The following FAM120C variants were observed in gnomAD, a reference collection of about 807,000 sequenced individuals.
The protein encoded by FAM120C is constitutive coactivator of PPAR-gamma-like protein 2.
A neutral mutation model predicts 71.2 loss-of-function variants in FAM120C; 14 were observed. That is an observed-to-expected ratio of 0.20 (90% CI 0.13 to 0.31). The LOEUF (loss-of-function observed/expected upper bound fraction) is 0.31, where lower values mean the gene tolerates loss of function less well. FAM120C is among the 10% of genes least tolerant of loss of function. The pLI is 1.00. For synonymous variants in FAM120C, 354 were observed against 353.2 expected, an observed-to-expected ratio of 1.00 and a Z score of -0.03; for missense variants, 500 against 879.0, an observed-to-expected ratio of 0.57 and a Z score of 5.45.
chrX:54,167,893 G>A (rs782429621), intron 1 of FAM120C, among the ~76,000 whole-genome samples: 3 of 107,945 alleles, frequency 2.8e-5, no homozygotes, highest in African/African-American at 1.0e-4. Flanking sequence ...GCTTGAACCC[G>A]GGAGGTGGAG....
At chrX:54,163,354 C>T (rs936688425) in intron 1 of FAM120C, among the ~76,000 whole-genome samples, 4 of 112,222 alleles carry the variant, frequency 3.6e-5, no homozygotes, top group African/African-American at 9.7e-5. Flanking sequence ...GAATGAAGTG[C>T]GGATTTATGC....
At chrX:54,114,192 A>G (rs1673865189) in intron 10 of FAM120C, among the ~76,000 whole-genome samples, 1 of 111,002 alleles carries the variant, frequency 9.0e-6, no homozygotes, top group South Asian at 3.8e-4. Flanking sequence ...ACATGCTCTC[A>G]CTTATAAGTG....
intron 4 of FAM120C, among the ~76,000 whole-genome samples, chrX:54,143,311 G>A (rs1557131942): frequency 1.8e-5 from 2 of 108,659 alleles, no homozygotes. Flanking sequence ...AAATAACTAA[G>A]ATCAGAGCAG....
intron 2 of FAM120C, among the ~76,000 whole-genome samples, chrX:54,158,624 C>T (rs1249549941): frequency 9.0e-6 from 1 of 110,976 alleles, no homozygotes; most frequent in African/African-American, 3.3e-5. Flanking sequence ...TAAAAATTAG[C>T]TGGGCATGGT....
intron 9 of FAM120C, among the ~76,000 whole-genome samples, chrX:54,125,361 T>A (rs2067021621): frequency 9.0e-6 from 1 of 111,002 alleles, no homozygotes; most frequent in Non-Finnish European, 1.9e-5. Flanking sequence ...TGCAGTGGAG[T>A]GATCTCAGCT....
intron 3 of FAM120C, among the ~76,000 whole-genome samples, chrX:54,156,750 G>A (rs1417773439): frequency 1.9e-5 from 2 of 107,754 alleles, no homozygotes; most frequent in Admixed American, 1.0e-4. Flanking sequence ...AGCTGGGCAT[G>A]GTGGTGCATG....
At chrX:54,073,997 T>C (rs940826462) in intron 15 of FAM120C, among the ~76,000 whole-genome samples, 17 of 110,170 alleles carry the variant, frequency 1.5e-4, no homozygotes, top group Admixed American at 5.9e-4. Flanking sequence ...AGCTGATTTT[T>C]GTATTTTTTG....
intron 4 of FAM120C, among the ~76,000 whole-genome samples, chrX:54,148,247 A>G (rs1031384919): frequency 5.4e-5 from 6 of 111,419 alleles, no homozygotes; most frequent in African/African-American, 2.0e-4. Context: ...GAACTCTCAA[A>G]ACACCACAGT....
intron 4 of FAM120C, among the ~76,000 whole-genome samples, chrX:54,144,967 G>A (rs1452498176): frequency 1.8e-5 from 2 of 111,309 alleles, no homozygotes; most frequent in Non-Finnish European, 3.8e-5. Context: ...CCAAAACAAC[G>A]ATATAGACCA....
intron 10 of FAM120C, among the ~76,000 whole-genome samples, chrX:54,101,601 A>C (rs781949796): frequency 8.9e-6 from 1 of 112,205 alleles, no homozygotes; most frequent in South Asian, 3.7e-4. Context: ...ACCATGCAGT[A>C]GCCTGAGCAC....
At chrX:54,102,148 C>T (rs1234433820) in intron 10 of FAM120C, among the ~76,000 whole-genome samples, 4 of 109,556 alleles carry the variant, frequency 3.7e-5, no homozygotes, top group Admixed American at 9.9e-5. Flanking sequence ...GATCCTCCCA[C>T]CTCGGCCTCC....
At chrX:54,104,459 C>T (rs1407448006) in intron 10 of FAM120C, among the ~76,000 whole-genome samples, 1 of 111,767 alleles carries the variant, frequency 8.9e-6, no homozygotes, top group African/African-American at 3.3e-5. Context: ...AATTTCCAAC[C>T]AGACTTTATG....
At chrX:54,138,221 C>G (rs1309103085) in intron 4 of FAM120C, among the ~76,000 whole-genome samples, 1 of 111,684 alleles carries the variant, frequency 9.0e-6, no homozygotes, top group African/African-American at 3.3e-5. Context: ...TACACATAAA[C>G]TGGGCCTGGT....
rs1175238249 is a variant in FAM120C, at chrX:54,073,221, C to T, written c.3103G>A (p.Gly1035Arg). Residue 1035 changes from glycine to arginine, a missense_variant, in exon 16 of 16, where the codon GGA becomes AGA. Transcript: ENST00000375180. ...HQGRSRSQVN[G>R]NSGALIKEEK... ...TCCTTGATCAATGCGCCACTGTTTC[C>T]ATTTACCTGGGAGCGAGACCGACCT... The T allele has an allele frequency of 2.1e-5, 25 of 1,208,122 alleles. No individual in the cohort carries two copies. The highest frequency in any genetic ancestry group is 2.5e-5 in the Non-Finnish European group (22 of 894,306).
At chrX:54,086,701 G>A (rs2066795973) in intron 12 of FAM120C, among the ~76,000 whole-genome samples, 1 of 99,574 alleles carries the variant, frequency 1.0e-5, no homozygotes, top group East Asian at 3.2e-4. Flanking sequence ...GTTGCAGTGA[G>A]CTGACATCGT....
intron 10 of FAM120C, among the ~76,000 whole-genome samples, chrX:54,115,237 A>C (rs1339040339): frequency 8.9e-6 from 1 of 112,515 alleles, no homozygotes; most frequent in African/African-American, 3.2e-5. Flanking sequence ...CATATCTGAC[A>C]AAGAACTTCT....
chrX:54,160,796 C>T (rs781806824), intron 1 of FAM120C, among the ~76,000 whole-genome samples: 2 of 111,404 alleles, frequency 1.8e-5, no homozygotes, highest in Non-Finnish European at 3.8e-5. Flanking sequence ...CCCCATTTTA[C>T]ACATTGTTAG....
intron 4 of FAM120C, among the ~76,000 whole-genome samples, chrX:54,146,693 T>G (rs2067158258): frequency 1.8e-5 from 2 of 111,168 alleles, no homozygotes; most frequent in Admixed American, 1.9e-4. Context: ...AATGAATGAA[T>G]GAATGAATGA....
intron 1 of FAM120C, among the ~76,000 whole-genome samples, chrX:54,181,128 G>A (rs1201860976): frequency 9.1e-6 from 1 of 109,352 alleles, no homozygotes; most frequent in Non-Finnish European, 1.9e-5. Flanking sequence ...TGCTGAGAAC[G>A]AGTCTAGCAT....
Sources: gnomAD v4.1 joint callset for allele counts (sites outside exome capture counted in the v4.1 genomes callset) on GRCh38, gnomAD v4.1.1 for gene constraint, MANE v1.5 for transcripts, NCBI Gene and HGNC (gene_info 2026-07-23, HGNC 2026-07-21) for gene names.